Variants in PARD3B observed in about 807,000 individuals in gnomAD.
PARD3B encodes the protein par-3 family cell polarity regulator beta.
PARD3B carries 103 observed loss-of-function variants against 130.2 expected under a neutral mutation model. That is an observed-to-expected ratio of 0.79 (90% confidence interval 0.67 to 0.93). The LOEUF is 0.93. PARD3B is among the 40% of genes least tolerant of loss of function. PARD3B has a pLI of 0.00. For synonymous variants in PARD3B, 583 were observed against 553.2 expected (o/e 1.05, Z -0.76); for missense variants, 1,609 against 1,499.2 (o/e 1.07, Z -1.21).
At chr2:204,806,038 T>C (rs770296488) in intron 2 of PARD3B, among the ~76,000 whole-genome samples, 2 of 152,006 alleles carry the variant, frequency 1.3e-5, no homozygotes, top group Non-Finnish European at 2.9e-5. Context: ...GAAGAATCAA[T>C]ATTGCTAAAA....
chr2:205,345,443 G>GA (rs986460812), intron 18 of PARD3B, among the ~76,000 whole-genome samples: 1 of 152,090 alleles, frequency 6.6e-6, no homozygotes, highest in Non-Finnish European at 1.5e-5. Flanking sequence ...AGAAAGGTCA[G>GA]AAAAAACATT....
intron 15 of PARD3B, among the ~76,000 whole-genome samples, chr2:205,216,758 T>G (rs1289041659): frequency 1.3e-5 from 2 of 152,166 alleles, no homozygotes; most frequent in African/African-American, 4.8e-5. Context: ...CTTTATCAGT[T>G]AAAATAGCAT....
chr2:205,509,451 C>A (rs1452820129), intron 21 of PARD3B, among the ~76,000 whole-genome samples: 1 of 152,054 alleles, frequency 6.6e-6, no homozygotes, highest in South Asian at 2.1e-4. Flanking sequence ...ACCATTAATT[C>A]CCCTACCTCC....
intron 22 of PARD3B, among the ~76,000 whole-genome samples, chr2:205,608,794 TA>T (rs911852919): frequency 4.6e-5 from 7 of 151,642 alleles, no homozygotes; most frequent in Admixed American, 3.3e-4. Flanking sequence ...GGTCATTGTT[TA>T]AAAAAAAAGA....
chr2:205,558,758 T>C lies in PARD3B; in HGVS notation c.3260+5355T>C, dbSNP rs568864128. 6.6e-6 allele frequency among the ~76,000 whole-genome samples: 1 copy of C among 152,254 alleles called. No individual in the cohort carries two copies. The highest frequency in any genetic ancestry group is 2.4e-5 in the African/African-American group (1 of 41,548). ...CCTGCCTAACATTCATGTCCCACTC[T>C]TGTGACCCCGTTTGATATACTCCTC... On this transcript the variant is annotated intron_variant, in intron 22 of 22. Transcript: ENST00000406610. This position sits in a 1 kb window ranked among gnomAD's most constrained non-coding sequence, Gnocchi z 4.8.
intron 18 of PARD3B, among the ~76,000 whole-genome samples, chr2:205,399,664 T>C (rs923355732): frequency 6.6e-6 from 1 of 152,134 alleles, no homozygotes; most frequent in Non-Finnish European, 1.5e-5. Context: ...TGCATCTTCT[T>C]TTTTTATTTC....
intron 21 of PARD3B, among the ~76,000 whole-genome samples, chr2:205,504,323 A>T (rs549305335): frequency 2.0e-5 from 3 of 152,332 alleles, no homozygotes; most frequent in Non-Finnish European, 2.9e-5. Flanking sequence ...CATTCAGGAC[A>T]TAGGCAGGGG....
intron 3 of PARD3B, among the ~76,000 whole-genome samples, chr2:205,001,682 C>A (rs1352211714): frequency 6.6e-6 from 1 of 152,194 alleles, no homozygotes; most frequent in African/African-American, 2.4e-5. Flanking sequence ...CAGAACACAT[C>A]AGTGGAAATG....
At chr2:205,113,635 CT>C in intron 6 of PARD3B, 58 bp downstream of exon 6, 1 of 881,716 alleles carries the variant, frequency 1.1e-6, no homozygotes, top group East Asian at 3.5e-5. Context: ...ATTTGAGCTC[CT>C]TTTCCCAAAT....
rs865936134 is a variant in PARD3B, at chr2:205,160,532, C to T, written c.1620+1625C>T. On this transcript the variant is annotated intron_variant, in intron 11 of 22. Coordinates refer to ENST00000406610, the MANE Select transcript of PARD3B (RefSeq NM_001302769.2). This position sits in a 1 kb window ranked among gnomAD's most constrained non-coding sequence, Gnocchi z 4.0. ...GTCCAAGGTTGAGCAGTAGAAAACA[C>T]ACTCCAGCCACGATGAAGTTATGGC... Among the ~76,000 whole-genome samples the T allele has an allele frequency of 2.6e-5, 4 of 152,310 alleles. No homozygotes were observed. The highest frequency in any genetic ancestry group is 9.6e-5 in the African/African-American group (4 of 41,558).
rs535039512 is a variant in PARD3B, at chr2:204,819,205, C to G, written c.222+132923C>G. ...TTGCAAATTGAAGGTTTGCGGCAAC[C>G]CTGTCTCAAGCAAGCCTGTCAGTGC... On this transcript the variant is annotated intron_variant, in intron 2 of 22. Coordinates refer to ENST00000406610, the MANE Select transcript of PARD3B (RefSeq NM_001302769.2). 1.0e-3 allele frequency among the ~76,000 whole-genome samples: 157 copies of G among 152,264 alleles called. 2 individuals are homozygous for G. The highest frequency in any genetic ancestry group is 3.7e-3 in the African/African-American group (154 of 41,548).
chr2:205,367,397 C>T (rs1431113761), intron 18 of PARD3B, among the ~76,000 whole-genome samples: 1 of 152,102 alleles, frequency 6.6e-6, no homozygotes, highest in African/African-American at 2.4e-5. Context: ...TAAACTAAAG[C>T]ATGCAGGATT....
chr2:204,912,350 T>C (rs1438043201), intron 2 of PARD3B, among the ~76,000 whole-genome samples: 3 of 150,958 alleles, frequency 2.0e-5, no homozygotes, highest in Non-Finnish European at 4.4e-5. Flanking sequence ...CTACATTGCT[T>C]TCAAGAAGTA....
chr2:205,091,853 T>C lies in PARD3B; in HGVS notation c.505-12573T>C, dbSNP rs952187933. On this transcript the variant is annotated intron_variant, in intron 4 of 22. Coordinates refer to ENST00000406610, the MANE Select transcript of PARD3B (RefSeq NM_001302769.2). This position sits in a 1 kb window ranked among gnomAD's most constrained non-coding sequence, Gnocchi z 4.2. Reference sequence around the variant, plus strand: ...TTCAGAGCAAAAAGTGTATACATTTTTTCATCTCTGTATCTCCAGTGCTTA... The same window carrying C: ...TTCAGAGCAAAAAGTGTATACATTTCTTCATCTCTGTATCTCCAGTGCTTA... Among the ~76,000 whole-genome samples the C allele has an allele frequency of 6.6e-5, 10 of 152,110 alleles. No individual in the cohort carries two copies. The highest frequency in any genetic ancestry group is 2.4e-4 in the African/African-American group (10 of 41,420).
intron 3 of PARD3B, among the ~76,000 whole-genome samples, chr2:205,010,571 A>G (rs1695632931): frequency 6.6e-6 from 1 of 152,182 alleles, no homozygotes; most frequent in African/African-American, 2.4e-5. Context: ...GAAATTTTTC[A>G]CTCTACCATC....
intron 2 of PARD3B, among the ~76,000 whole-genome samples, chr2:204,825,045 G>C (rs545177112): frequency 6.6e-6 from 1 of 152,268 alleles, no homozygotes; most frequent in South Asian, 2.1e-4. Flanking sequence ...GGTTGGTCCT[G>C]AGTTGGAACC....
intron 1 of PARD3B, among the ~76,000 whole-genome samples, chr2:204,607,012 G>C: frequency 6.6e-6 from 1 of 152,134 alleles, no homozygotes; most frequent in East Asian, 1.9e-4. Flanking sequence ...TGGTTAGCAA[G>C]ACTTGAGATT....
At chr2:205,082,600 T>G (rs983362352) in intron 4 of PARD3B, among the ~76,000 whole-genome samples, 3 of 152,142 alleles carry the variant, frequency 2.0e-5, no homozygotes, top group African/African-American at 7.2e-5. Context: ...TGCCTAGGTG[T>G]TTGTTAATTT....
chr2:204,706,301 A>C (rs1376876270), intron 2 of PARD3B, among the ~76,000 whole-genome samples: 1 of 151,396 alleles, frequency 6.6e-6, no homozygotes, highest in Non-Finnish European at 1.5e-5. Flanking sequence ...TAGGAGGCAG[A>C]GGTTGCAGTG....
Sources: gnomAD v4.1 joint callset for allele counts (sites outside exome capture counted in the v4.1 genomes callset) on GRCh38, gnomAD v4.1.1 for gene constraint, Gnocchi (gnomAD v3.1) non-coding constraint, MANE v1.5 for transcripts, NCBI Gene and HGNC (gene_info 2026-07-23, HGNC 2026-07-21) for gene names.